The following NSUN7 variants were observed in gnomAD, a reference collection of about 807,000 sequenced individuals.
NSUN7 encodes NOP2/Sun RNA methyltransferase family member 7.
In NSUN7, 39 loss-of-function variants were observed where a neutral mutation model predicts 58.5. The ratio of observed to expected loss-of-function variants is 0.67; its 90% CI spans 0.52 to 0.87. NSUN7 has a LOEUF of 0.87. Ranked by LOEUF, NSUN7 falls within the 40% of genes least tolerant of loss-of-function variation. The probability of loss-of-function intolerance (pLI) is 0.00; values close to 1 mark genes in which losing one functional copy is unlikely to be tolerated. For missense variants in NSUN7, 765 were observed against 844.1 expected, an observed-to-expected ratio of 0.91 and a Z score of 1.16; for synonymous variants, 278 against 303.7, an observed-to-expected ratio of 0.92 and a Z score of 0.88.
intron 10 of NSUN7, among the ~76,000 whole-genome samples, chr4:40,801,638 C>A (rs1255835422): frequency 1.3e-5 from 2 of 151,928 alleles, no homozygotes; most frequent in African/African-American, 4.8e-5. Flanking sequence ...TGGCTCACGC[C>A]TGTAATCCCA....
chr4:40,773,366 C>T (rs1033971055), intron 4 of NSUN7: 1 of 152,200 alleles, frequency 6.6e-6, no homozygotes, highest in African/African-American at 2.4e-5. Context: ...GACTCTAAAT[C>T]CTAGACCCTT....
At chr4:40,771,729 A>G (rs543460878) in intron 4 of NSUN7, among the ~76,000 whole-genome samples, 1 of 147,804 alleles carries the variant, frequency 6.8e-6, no homozygotes, top group Non-Finnish European at 1.5e-5. Flanking sequence ...ATTTATAATT[A>G]TATAATTATA....
In NSUN7 at chr4:40,801,032, A is replaced by AGAGGAAGG. The variant is rs1307913026; in HGVS notation, c.1400+2132_1400+2139dup. Among the ~76,000 whole-genome samples the AGAGGAAGG allele has an allele frequency of 4.0e-4, 52 of 129,022 alleles. 1 individual carries two copies. Among genetic ancestry groups the AGAGGAAGG allele is most frequent in the Admixed American group, 8.7e-5 (1 of 11,436 alleles). The allele number at this position is 129,022 out of a possible 152,430, so 84.6% of individuals were successfully genotyped here. ...GGAGGGAAGAAGTGAGTGTAGGAGG[A>AGAGGAAGG]GAGGAAGGGAGAAAGGGAGGGAGGA... On this transcript the variant is annotated intron_variant, in intron 10 of 11. Transcript: ENST00000381782.
At chr4:40,762,395 A>T (rs1741502003) in intron 4 of NSUN7, among the ~76,000 whole-genome samples, 1 of 152,200 alleles carries the variant, frequency 6.6e-6, no homozygotes. Flanking sequence ...ACTGTCAACA[A>T]TTGTCACTGT....
At position 40,786,408 on chromosome 4, in the gene NSUN7, T is replaced by C. The variant is rs1474358014; in HGVS notation, c.1037-4194T>C. 3 of 1,612,062 alleles carry C rather than the reference T, an allele frequency of 1.9e-6. No individual in the cohort carries two copies. In the African/African-American group the frequency reaches 4.0e-5, roughly 21 times the overall value. On this transcript the variant is annotated intron_variant, in intron 7 of 11. Coordinates refer to ENST00000381782, the MANE Select transcript of NSUN7 (RefSeq NM_024677.6). ...GATGCACAGATGGCATTGTGTTTGT[T>C]GTGGACTCTGTTGATGTCGAAAGGA...
intron 7 of NSUN7, 45 bp downstream of exon 7, chr4:40,776,304 A>G (rs1742265691): frequency 7.4e-7 from 1 of 1,345,030 alleles, no homozygotes; most frequent in Non-Finnish European, 1.0e-6. Context: ...GTTCTGCAAG[A>G]TTTTAGAAAC....
intron 2 of NSUN7, among the ~76,000 whole-genome samples, chr4:40,757,530 TAAAATTATATATATATATATA>T (rs1165235439): frequency 1.4e-5 from 2 of 146,452 alleles, no homozygotes; most frequent in African/African-American, 2.5e-5. Context: ...TGTGAAAAGG[TAAAATTATATATATATATATA>T]AAAATTATAT....
At chr4:40,774,728 T>C (rs1463988267) in intron 5 of NSUN7, 39 bp from the exon 6 acceptor site, 2 of 1,272,848 alleles carry the variant, frequency 1.6e-6, no homozygotes, top group African/African-American at 3.0e-5. Context: ...TTTTAATGTA[T>C]TATATTTGTA....
In NSUN7 at chr4:40,800,788, T is replaced by G. The variant is rs1243101302; in HGVS notation, c.1400+1884T>G. ...TTTTAAACATATTTCTGTTAAATGTTTGGACCTGCAGATTTATTTATCTTA... is the reference window on the plus strand; with the variant it reads ...TTTTAAACATATTTCTGTTAAATGTGTGGACCTGCAGATTTATTTATCTTA... On this transcript the variant is annotated intron_variant, in intron 10 of 11. Coordinates refer to ENST00000381782, the MANE Select transcript of NSUN7 (RefSeq NM_024677.6). Among the ~76,000 whole-genome samples the G allele has an allele frequency of 2.6e-5, 4 of 152,242 alleles. No individual in the cohort carries two copies. The South Asian group carries it at 8.3e-4, about 31-fold the overall frequency.
chr4:40,783,404 T>G (rs117339377), intron 7 of NSUN7, among the ~76,000 whole-genome samples: 1 of 152,190 alleles, frequency 6.6e-6, no homozygotes, highest in African/African-American at 2.4e-5. Context: ...GCTAAAACTC[T>G]TATAAGAAAA....
chr4:40,792,566 A>T (rs1213353918), intron 8 of NSUN7, among the ~76,000 whole-genome samples: 1 of 152,102 alleles, frequency 6.6e-6, no homozygotes, highest in Non-Finnish European at 1.5e-5. Flanking sequence ...CCTGGCTAAC[A>T]CGGTGAAACC....
chr4:40,753,802 G>A (rs1210091273), intron 2 of NSUN7, among the ~76,000 whole-genome samples: 1 of 152,098 alleles, frequency 6.6e-6, no homozygotes, highest in African/African-American at 2.4e-5. Context: ...GGTCTTTCTT[G>A]TACTTGTTCT....
chr4:40,776,164 C>T lies in NSUN7; in HGVS notation c.941C>T (p.Thr314Ile). The T allele has an allele frequency of 3.1e-6, 5 of 1,611,784 alleles. No homozygotes were observed. Among genetic ancestry groups the T allele is most frequent in the Non-Finnish European group, 4.2e-6 (5 of 1,178,394 alleles). The change falls in exon 7 of 12, where the codon ACA (threonine) becomes ATA (isoleucine). Residue 314 changes from threonine (T) to isoleucine (I), a missense_variant. Physicochemically the swap from Thr to Ile is moderately conservative, Grantham distance 89 (BLOSUM62 -1). Transcript: ENST00000381782. The part of the protein sequence containing the change: ...WYTVSHMSIL[T>I]NNNTSKVFVC... ...ACAGTTTCCCACATGTCAATTTTAACAAATAATAATACCTCAAAAGTATTT... is the reference window on the plus strand; with the variant it reads ...ACAGTTTCCCACATGTCAATTTTAATAAATAATAATACCTCAAAAGTATTT...
chr4:40,787,144 A>G (rs1490727615), intron 7 of NSUN7, among the ~76,000 whole-genome samples: 1 of 152,148 alleles, frequency 6.6e-6, no homozygotes, highest in Non-Finnish European at 1.5e-5. Flanking sequence ...TAACAAAACC[A>G]AAAAGTGACT....
At chr4:40,806,082 C>A (rs1743798392) in intron 10 of NSUN7, among the ~76,000 whole-genome samples, 2 of 152,072 alleles carry the variant, frequency 1.3e-5, no homozygotes, top group Non-Finnish European at 2.9e-5. Context: ...TTGGCTTGAA[C>A]CTCTCAGGTT....
intron 10 of NSUN7, among the ~76,000 whole-genome samples, chr4:40,800,760 G>A (rs543459161): frequency 3.9e-5 from 6 of 152,186 alleles, no homozygotes; most frequent in African/African-American, 1.4e-4. Context: ...TATTACATAT[G>A]TGTTTTAAAC....
intron 10 of NSUN7, among the ~76,000 whole-genome samples, chr4:40,801,816 T>C (rs62302859): frequency 0.13 from 20,081 of 150,312 alleles, 1,416 homozygotes; most frequent in Non-Finnish European, 0.16. Flanking sequence ...GTGGGAAGAT[T>C]GCTTGAGCCC....
At chr4:40,802,937 TC>T (rs1286803220) in intron 10 of NSUN7, among the ~76,000 whole-genome samples, 1 of 71,734 alleles carries the variant, frequency 1.4e-5, no homozygotes, top group African/African-American at 5.7e-5. Flanking sequence ...CCCTCCCCCC[TC>T]CCCCCACCCC....
chr4:40,762,663 C>T (rs911599932), intron 4 of NSUN7: 6 of 152,204 alleles, frequency 3.9e-5, no homozygotes, highest in Non-Finnish European at 7.3e-5. Flanking sequence ...GGCTGCAGAC[C>T]AGTACCTGTC....
Sources: gnomAD v4.1 joint callset for allele counts (sites outside exome capture counted in the v4.1 genomes callset) on GRCh38, gnomAD v4.1.1 for gene constraint, MANE v1.5 for transcripts, NCBI Gene and HGNC (gene_info 2026-07-23, HGNC 2026-07-21) for gene names.